Variants in SLC10A2 observed in about 807,000 individuals in gnomAD.
The protein encoded by SLC10A2 is solute carrier family 10 member 2.
SLC10A2 carries 34 observed loss-of-function variants against 27.1 expected under a neutral mutation model. The observed-to-expected ratio is 1.26, with a 90% CI of 0.96 to 1.67. The LOEUF (loss-of-function observed/expected upper bound fraction) is 1.67, where lower values mean the gene tolerates loss of function less well. Among genes scored for constraint, SLC10A2 ranks in the 40% most tolerant of loss-of-function variants. The probability of loss-of-function intolerance (pLI) is 0.00; values close to 1 mark genes in which losing one functional copy is unlikely to be tolerated. For synonymous variants in SLC10A2, 205 were observed against 174.0 expected (o/e 1.18, Z -1.40); for missense variants, 530 against 444.4 (o/e 1.19, Z -1.73).
chr13:103,062,024 T>C (rs1380322103), intron 1 of SLC10A2, among the ~76,000 whole-genome samples: 1 of 152,184 alleles, frequency 6.6e-6, no homozygotes, highest in African/African-American at 2.4e-5. Flanking sequence ...ATCTTGGTCT[T>C]AATTTTGACT....
At chr13:103,051,114 T>C (rs1223498626) in intron 4 of SLC10A2, 143 bp downstream of exon 4, 6 of 800,488 alleles carry the variant, frequency 7.5e-6, no homozygotes, top group Middle Eastern at 2.7e-4. Flanking sequence ...TCATTTTCAC[T>C]TCTAGTCTCT....
chr13:103,061,829 A>G (rs1464647084), intron 1 of SLC10A2, among the ~76,000 whole-genome samples: 3 of 152,230 alleles, frequency 2.0e-5, no homozygotes, highest in Non-Finnish European at 4.4e-5. Flanking sequence ...ATGAGATTTA[A>G]AACAATTCAC....
chr13:103,059,611 CA>C (rs1241113852), intron 1 of SLC10A2, among the ~76,000 whole-genome samples: 1 of 152,108 alleles, frequency 6.6e-6, no homozygotes, highest in Non-Finnish European at 1.5e-5. Context: ...GGGTCAGAAA[CA>C]GTATTAAACG....
intron 1 of SLC10A2, among the ~76,000 whole-genome samples, chr13:103,058,646 C>T (rs1180017300): frequency 6.6e-6 from 1 of 152,094 alleles, no homozygotes; most frequent in Non-Finnish European, 1.5e-5. Flanking sequence ...TGTCTGTGTT[C>T]CCCTCTATGT....
chr13:103,053,456 C>T (rs562904559), intron 2 of SLC10A2, among the ~76,000 whole-genome samples: 6 of 152,290 alleles, frequency 3.9e-5, no homozygotes, highest in African/African-American at 1.4e-4. Context: ...GTTAAATTTA[C>T]TGCTGTTTTT....
At chr13:103,051,530 G>A (rs1875782650) in intron 3 of SLC10A2, 98 bp from the exon 4 acceptor site, 1 of 1,305,346 alleles carries the variant, frequency 7.7e-7, no homozygotes, top group Admixed American at 1.9e-5. Flanking sequence ...CCTTGTCCCT[G>A]GGGGAAGTGA....
intron 1 of SLC10A2, among the ~76,000 whole-genome samples, chr13:103,062,290 G>A (rs752166619): frequency 6.6e-6 from 1 of 152,218 alleles, no homozygotes; most frequent in Non-Finnish European, 1.5e-5. Context: ...AAGTGGTAGT[G>A]GGTAGACCTG....
chr13:103,055,029 A>G (rs1024692231), intron 2 of SLC10A2, among the ~76,000 whole-genome samples: 4 of 152,170 alleles, frequency 2.6e-5, no homozygotes, highest in African/African-American at 9.7e-5. Flanking sequence ...AAGAATGAGA[A>G]TGAAAGAGAG....
Position 103,045,048 on chromosome 13 carries a change from A to T in SLC10A2, c.*1085T>A, listed in dbSNP as rs1317851743. 1 of 152,094 alleles carries T rather than the reference A, an allele frequency of 6.6e-6. No individual in the cohort carries two copies. The highest frequency in any genetic ancestry group is 1.9e-4 in the East Asian group (1 of 5,194). 9.4% of individuals were successfully genotyped at this position (152,094 alleles called of 1,614,324 possible). ...AATACTGTTTAATACTCATTTCCTGATCACTCTCGGACTTGATTCTTCTTA... is the reference window on the plus strand; with the variant it reads ...AATACTGTTTAATACTCATTTCCTGTTCACTCTCGGACTTGATTCTTCTTA... On this transcript the variant is annotated 3_prime_UTR_variant, in exon 6 of 6. Coordinates refer to ENST00000245312, the MANE Select transcript of SLC10A2 (RefSeq NM_000452.3).
intron 1 of SLC10A2, among the ~76,000 whole-genome samples, chr13:103,065,027 A>G (rs1876233446): frequency 6.6e-6 from 1 of 152,250 alleles, no homozygotes; most frequent in East Asian, 1.9e-4. Flanking sequence ...TTGCATTAGC[A>G]CCTGGATGGT....
chr13:103,061,916 A>T (rs1876132679), intron 1 of SLC10A2, among the ~76,000 whole-genome samples: 1 of 152,186 alleles, frequency 6.6e-6, no homozygotes, highest in Non-Finnish European at 1.5e-5. Context: ...AAAAATCTGA[A>T]GTTCTATAAA....
Position 103,051,271 on chromosome 13 carries a change from A to G in SLC10A2, c.747T>C (p.Gly249=). 1 of 1,614,054 alleles carries G rather than the reference A, an allele frequency of 6.2e-7. No homozygotes were observed. Among genetic ancestry groups the G allele is most frequent in the Non-Finnish European group, 8.5e-7 (1 of 1,179,976 alleles). ...AAATGCCATACCTGTACCAGGGTAG[A>G]CCAGCAATTCTAGCCAGAAGAAACC... ...SLGFLLARIA[G]LPWYRCRTVA... The change falls in exon 4 of 6, where the codon GGT becomes GGC. Residue 249 remains glycine, a synonymous_variant. Transcript: ENST00000245312.
chr13:103,061,669 C>A (rs983211303), intron 1 of SLC10A2, among the ~76,000 whole-genome samples: 4 of 151,664 alleles, frequency 2.6e-5, no homozygotes, highest in Non-Finnish European at 5.9e-5. Flanking sequence ...TCTTAAGGAT[C>A]GTGATGAGGG....
At position 103,044,700 on chromosome 13, in the gene SLC10A2, C is replaced by G. The variant is rs1480424788; in HGVS notation, c.*1433G>C. The G allele has an allele frequency of 6.6e-6, 1 of 152,148 alleles. No individual in the cohort carries two copies. The allele number at this position is 152,148 out of a possible 1,614,324, so 9.4% of individuals were successfully genotyped here. A position where few individuals can be genotyped will look rare whatever the true frequency, so the allele number is the denominator to read the frequency against. ...CTCAGAACATGCAAATGCAAAAAGC[C>G]CTTTCAGCCAAAACACTTGAAATAG... is the stretch of plus-strand genomic sequence containing the variant. On this transcript the variant is annotated 3_prime_UTR_variant, in exon 6 of 6. Transcript: ENST00000245312.
At chr13:103,046,660 TA>T in intron 5 of SLC10A2, among the ~76,000 whole-genome samples, 1 of 152,344 alleles carries the variant, frequency 6.6e-6, no homozygotes, top group East Asian at 1.9e-4. Flanking sequence ...TGGTCCTCTG[TA>T]GAAGGACTTG....
chr13:103,045,386 G>T lies in SLC10A2; in HGVS notation c.*747C>A, dbSNP rs1026283296. 4 of 152,210 alleles carry T rather than the reference G, an allele frequency of 2.6e-5. No homozygotes were observed. Among genetic ancestry groups the T allele is most frequent in the African/African-American group, 9.7e-5 (4 of 41,422 alleles). 9.4% of individuals were successfully genotyped at this position (152,210 alleles called of 1,614,324 possible). A position where few individuals can be genotyped will look rare whatever the true frequency, so the allele number is the denominator to read the frequency against. On this transcript the variant is annotated 3_prime_UTR_variant, in exon 6 of 6. Coordinates refer to ENST00000245312, the MANE Select transcript of SLC10A2 (RefSeq NM_000452.3). ...TTTGCCAAATACACACCGTTTGAAA[G>T]AATTATGTTTTTCCTTGGAAGATCT...
chr13:103,050,130 C>T (rs926167116), intron 4 of SLC10A2, among the ~76,000 whole-genome samples: 2 of 152,172 alleles, frequency 1.3e-5, no homozygotes, highest in African/African-American at 4.8e-5. Flanking sequence ...GCCTGGGCGA[C>T]AGAATGAGAC....
chr13:103,052,629 G>T lies in SLC10A2; in HGVS notation c.576C>A (p.Ile192=), dbSNP rs866515437. Residue 192 remains isoleucine (I), a synonymous_variant, in exon 3 of 6, where the codon ATC becomes ATA. Coordinates refer to ENST00000245312, the MANE Select transcript of SLC10A2 (RefSeq NM_000452.3). ...VNHKWPQKAK[I]ILKIGSIAGA... ...GAACTGGGATACTTACTTTAAGTAT[G>T]ATCTTTGCTTTTTGGGGCCATTTGT... 1 of 1,605,788 alleles carries T rather than the reference G, an allele frequency of 6.2e-7. No homozygotes were observed. The highest frequency in any genetic ancestry group is 8.5e-7 in the Non-Finnish European group (1 of 1,172,510).
At position 103,066,299 on chromosome 13, in the gene SLC10A2, G is replaced by A. The variant is rs763672794; in HGVS notation, c.-50C>T. On this transcript the variant is annotated 5_prime_UTR_variant, in exon 1 of 6. Coordinates refer to ENST00000245312, the MANE Select transcript of SLC10A2 (RefSeq NM_000452.3). ...CAAGTCCACAGAAGCGCTGGTCCCT[G>A]GGCCCTGGCTCTGCTGCTGGTTGAG... is the stretch of plus-strand genomic sequence containing the variant. 1 of 1,540,374 alleles carries A rather than the reference G, an allele frequency of 6.5e-7. No individual in the cohort carries two copies.
Sources: gnomAD v4.1 joint callset for allele counts (sites outside exome capture counted in the v4.1 genomes callset) on GRCh38, gnomAD v4.1.1 for gene constraint, MANE v1.5 for transcripts, NCBI Gene and HGNC (gene_info 2026-07-23, HGNC 2026-07-21) for gene names.